TASP1: variants seen among roughly 807,000 people sequenced by gnomAD.
TASP1 encodes threonine aspartase 1.
In TASP1, 16 loss-of-function variants were observed where a neutral mutation model predicts 56.6. That is an observed-to-expected ratio of 0.28 (90% CI 0.19 to 0.43). The LOEUF is 0.43. Among genes scored for constraint, TASP1 ranks in the 20% least tolerant of loss-of-function variants. The pLI, the probability that TASP1 is intolerant of heterozygous loss-of-function variation, is 1.00. For missense variants in TASP1, 393 were observed against 511.6 expected (o/e 0.77, Z 2.24); for synonymous variants, 179 against 184.2 (o/e 0.97, Z 0.23).
At chr20:13,330,913 TAG>T in the TASP1 span, among the ~76,000 whole-genome samples, 3 of 152,200 alleles carry the variant, frequency 2.0e-5, no homozygotes, top group Non-Finnish European at 4.4e-5. Flanking sequence ...TCAGTCTTGC[TAG>T]AGTTCATAAA....
At chr20:13,249,539 A>G in the TASP1 span, among the ~76,000 whole-genome samples, 1 of 152,202 alleles carries the variant, frequency 6.6e-6, no homozygotes, top group Admixed American at 6.5e-5. Context: ...CAACCAAATT[A>G]TACACCTCGG....
chr20:13,272,006 T>TGGGCTCAAGCGATCCCCC, the TASP1 span, among the ~76,000 whole-genome samples: 1 of 152,060 alleles, frequency 6.6e-6, no homozygotes, highest in Non-Finnish European at 1.5e-5. Flanking sequence ...CTCAAACTCC[T>TGGGCTCAAGCGATCCCCC]GGGCTCAAGC....
chr20:13,432,130 G>T (rs1295018072), intron 12 of TASP1, among the ~76,000 whole-genome samples: 1 of 152,186 alleles, frequency 6.6e-6, no homozygotes, highest in Non-Finnish European at 1.5e-5. Flanking sequence ...ATGTTTGATA[G>T]ACATTATATA....
intron 8 of TASP1, among the ~76,000 whole-genome samples, chr20:13,553,043 C>T (rs1381350554): frequency 6.6e-6 from 1 of 152,130 alleles, no homozygotes; most frequent in African/African-American, 2.4e-5. Flanking sequence ...TCAAGCTATC[C>T]TCCCACCTCA....
chr20:13,131,219 T>A, the TASP1 span, among the ~76,000 whole-genome samples: 1 of 152,206 alleles, frequency 6.6e-6, no homozygotes, highest in Non-Finnish European at 1.5e-5. Flanking sequence ...TTTTTTGAAC[T>A]CCCAGTCTTG....
chr20:13,399,005 A>G (rs1455127761), intron 13 of TASP1, among the ~76,000 whole-genome samples: 1 of 152,194 alleles, frequency 6.6e-6, no homozygotes, highest in African/African-American at 2.4e-5. Flanking sequence ...ATAAGAAATG[A>G]CTTCCAATGC....
chr20:13,305,833 C>G, the TASP1 span, among the ~76,000 whole-genome samples: 13 of 152,112 alleles, frequency 8.5e-5, no homozygotes, highest in African/African-American at 2.9e-4. Context: ...AAATGCATAC[C>G]TTTTTTCTTT....
At chr20:13,540,109 G>A (rs971004049) in intron 8 of TASP1, among the ~76,000 whole-genome samples, 1 of 152,100 alleles carries the variant, frequency 6.6e-6, no homozygotes, top group Non-Finnish European at 1.5e-5. Flanking sequence ...GTGAACCACT[G>A]GTTAAAGATT....
chr20:13,122,488 G>A, the TASP1 span, among the ~76,000 whole-genome samples: 2 of 152,186 alleles, frequency 1.3e-5, no homozygotes, highest in South Asian at 2.1e-4. Flanking sequence ...TGGAGAAGTC[G>A]AGTGTGGCCT....
At chr20:13,551,102 A>G (rs1264371769) in intron 8 of TASP1, among the ~76,000 whole-genome samples, 1 of 152,188 alleles carries the variant, frequency 6.6e-6, no homozygotes, top group Non-Finnish European at 1.5e-5. Context: ...GGCCAATTTG[A>G]TGTCCCTATG....
intron 10 of TASP1, among the ~76,000 whole-genome samples, chr20:13,519,478 A>G (rs2044657633): frequency 6.6e-6 from 1 of 152,206 alleles, no homozygotes; most frequent in African/African-American, 2.4e-5. Flanking sequence ...TACGAAAATC[A>G]ATAAATGTAA....
At chr20:13,223,960 G>C in the TASP1 span, among the ~76,000 whole-genome samples, 1 of 152,098 alleles carries the variant, frequency 6.6e-6, no homozygotes, top group Non-Finnish European at 1.5e-5. Flanking sequence ...CGCTTGAACA[G>C]TAAGGTAATG....
intron 5 of TASP1, among the ~76,000 whole-genome samples, chr20:13,581,548 C>T (rs557969867): frequency 2.0e-5 from 3 of 152,292 alleles, no homozygotes; most frequent in Non-Finnish European, 4.4e-5. Context: ...AAGAGGCCAA[C>T]TGTGTAAAAG....
intron 13 of TASP1, 41 bp from the exon 14 acceptor site, chr20:13,390,493 C>T (rs776601381): frequency 1.6e-5 from 26 of 1,583,234 alleles, no homozygotes; most frequent in African/African-American, 2.7e-5. Flanking sequence ...GAGGGGTCAG[C>T]GGTGTCCCTT....
intron 13 of TASP1, chr20:13,393,357 A>G: frequency 1.3e-6 from 1 of 747,558 alleles, no homozygotes; most frequent in South Asian, 1.4e-5. Flanking sequence ...CAGGAAGCTC[A>G]ATGGCATGGC....
chr20:13,285,592 C>T, the TASP1 span, among the ~76,000 whole-genome samples: 47 of 152,294 alleles, frequency 3.1e-4, no homozygotes, highest in African/African-American at 1.1e-3. Context: ...TGCACGGGCA[C>T]TTTGTATACC....
chr20:13,320,212 G>A, the TASP1 span, among the ~76,000 whole-genome samples: 7 of 152,186 alleles, frequency 4.6e-5, no homozygotes, highest in Admixed American at 3.9e-4. Flanking sequence ...TTTTTCCCTG[G>A]AACTAAGACT....
chr20:13,554,612 C>T (rs1388473536), intron 8 of TASP1, among the ~76,000 whole-genome samples: 3 of 151,664 alleles, frequency 2.0e-5, no homozygotes, highest in Non-Finnish European at 2.9e-5. Flanking sequence ...GTGCAGGTTT[C>T]GTTCCAGACC....
the TASP1 span, among the ~76,000 whole-genome samples, chr20:13,353,322 T>C: frequency 1.3e-5 from 2 of 152,160 alleles, no homozygotes; most frequent in Non-Finnish European, 2.9e-5. Flanking sequence ...TCCCAGTCAT[T>C]TGAGTATCTT....
Sources: gnomAD v4.1 joint callset for allele counts (sites outside exome capture counted in the v4.1 genomes callset) on GRCh38, gnomAD v4.1.1 for gene constraint, MANE v1.5 for transcripts, NCBI Gene and HGNC (gene_info 2026-07-23, HGNC 2026-07-21) for gene names.